MYLK3: variants seen among roughly 807,000 people sequenced by gnomAD.
MYLK3 encodes MLC kinase.
A neutral mutation model predicts 76.3 loss-of-function variants in MYLK3; 55 were observed. The ratio of observed to expected loss-of-function variants is 0.72; its 90% CI spans 0.58 to 0.90. The LOEUF is 0.90. Ranked by LOEUF, MYLK3 falls within the 40% of genes least tolerant of loss-of-function variation. MYLK3 has a pLI of 0.00. For synonymous variants in MYLK3, 416 were observed against 425.4 expected, an observed-to-expected ratio of 0.98 and a Z score of 0.27; for missense variants, 973 against 1,053.6, an observed-to-expected ratio of 0.92 and a Z score of 1.06.
At chr16:46,711,791 A>T (rs1383178868) in intron 10 of MYLK3, 1 of 284,764 alleles carries the variant, frequency 3.5e-6, no homozygotes, top group East Asian at 1.1e-4. Flanking sequence ...CACAAGGAAT[A>T]ACTGGTAAGA....
intron 1 of MYLK3, among the ~76,000 whole-genome samples, chr16:46,754,398 G>C (rs1967170674): frequency 6.6e-6 from 1 of 152,144 alleles, no homozygotes; most frequent in African/African-American, 2.4e-5. Flanking sequence ...GTATTGAGAG[G>C]TAAGGCCTTT....
upstream of MYLK3, among the ~76,000 whole-genome samples, chr16:46,750,260 C>T (rs202213753): frequency 3.7e-4 from 57 of 152,340 alleles, no homozygotes; most frequent in East Asian, 9.3e-3. Flanking sequence ...TGCCTCTCCC[C>T]AGCTGGTGCC....
At chr16:46,739,525 C>G (rs558499176) in intron 2 of MYLK3, among the ~76,000 whole-genome samples, 1 of 152,062 alleles carries the variant, frequency 6.6e-6, no homozygotes, top group African/African-American at 2.4e-5. Context: ...CCTCTGCCAC[C>G]AAGACAACAA....
At chr16:46,728,903 C>T (rs1408444692) in intron 7 of MYLK3, 121 bp downstream of exon 7, 7 of 710,600 alleles carry the variant, frequency 9.9e-6, no homozygotes, top group African/African-American at 1.8e-5. Context: ...CAGGATGACA[C>T]GACCCTGGAC....
At chr16:46,748,799 C>A (rs1477868778), upstream of MYLK3, among the ~76,000 whole-genome samples, 1 of 152,186 alleles carries the variant, frequency 6.6e-6, no homozygotes, top group Non-Finnish European at 1.5e-5. This position sits in a 1 kb window ranked among gnomAD's most constrained non-coding sequence, Gnocchi z 4.3. Flanking sequence ...TCAGGTGCCC[C>A]TACTACACCA....
rs1966627607 is a variant in MYLK3, at chr16:46,706,447, C to A, written c.*1257G>T. Reference sequence around the variant, plus strand: ...TAGCTGACATTACAGGCATCCGCCACCACGCCCCACTAATTTTTGTATTTT... The same window carrying A: ...TAGCTGACATTACAGGCATCCGCCAACACGCCCCACTAATTTTTGTATTTT... On this transcript the variant is annotated 3_prime_UTR_variant, in exon 13 of 13. Transcript: ENST00000394809. 6.6e-6 allele frequency: 1 copy of A among 152,078 alleles called. No homozygotes were observed. Among genetic ancestry groups the A allele is most frequent in the African/African-American group, 2.4e-5 (1 of 41,382 alleles). 9.4% of individuals were successfully genotyped at this position (152,078 alleles called of 1,614,324 possible).
intron 1 of MYLK3, among the ~76,000 whole-genome samples, chr16:46,742,447 A>ACACACACACACACACACAC (rs1555471290): frequency 1.1e-4 from 14 of 131,184 alleles, no homozygotes; most frequent in East Asian, 5.2e-4. Context: ...TCCCAGCAAA[A>ACACACACACACACACACAC]ACACACACAC....
At chr16:46,735,452 C>T (rs576224676) in intron 3 of MYLK3, among the ~76,000 whole-genome samples, 85 of 152,250 alleles carry the variant, frequency 5.6e-4, no homozygotes, top group African/African-American at 1.9e-3. Flanking sequence ...CTGATCCGCC[C>T]GCCTCGGCCT....
rs1467037214 is a variant in MYLK3, at chr16:46,747,893, G to T, written c.301C>A (p.Gln101Lys). 1 of 1,613,924 alleles carries T rather than the reference G, an allele frequency of 6.2e-7. No individual in the cohort carries two copies. Among genetic ancestry groups the T allele is most frequent in the South Asian group, 1.1e-5 (1 of 91,076 alleles). The part of the protein sequence containing the change: ...PEVLELVRAM[Q>K]QDAAQHGARL... ...GCACCGTGCTGGGCCGCATCCTGCT[G>T]CATGGCCCTCACCAGCTCCAGGACC... The change falls in exon 1 of 13, where the codon CAG becomes AAG. Residue 101 changes from glutamine to lysine, a missense_variant. Physicochemically the swap from Gln to Lys is moderately conservative, Grantham distance 53. This residue lies in a region of MYLK3 where 641 missense variants were observed against 637.0 expected (regional missense o/e 1.01). Coordinates refer to ENST00000394809, the MANE Select transcript of MYLK3 (RefSeq NM_182493.3).
In MYLK3 at chr16:46,747,999, G is replaced by T; in HGVS notation, c.195C>A (p.His65Gln). The change falls in exon 1 of 13, where the codon CAC becomes CAA. Residue 65 changes from histidine (H) to glutamine (Q), a missense_variant. Coordinates refer to ENST00000394809, the MANE Select transcript of MYLK3 (RefSeq NM_182493.3). Reference protein sequence around the residue: ...RDMGHLERGLHRLEASRAPGP... With the variant: ...RDMGHLERGLQRLEASRAPGP... ...CCGGTGCCCGGGAGGCCTCCAGCCT[G>T]TGCAGGCCCCGCTCCAGGTGGCCCA... 2 of 1,613,680 alleles carry T rather than the reference G, an allele frequency of 1.2e-6. No individual in the cohort carries two copies. Among genetic ancestry groups the T allele is most frequent in the South Asian group, 1.1e-5 (1 of 91,080 alleles).
rs1303275414 is a variant in MYLK3 at position 46,729,633 on chromosome 16, C to T, written c.1623G>A (p.Leu541=). The change falls in exon 6 of 13, where the codon CTG becomes CTA. Residue 541 remains leucine (L), a synonymous_variant. Transcript: ENST00000394809. ...RCTEKSTGLP[L]AAKIIKVKSA... ...TCTTCACTTTGATGATCTTGGCAGC[C>T]AGTGGGAGGCCTGTGGACTTCTCTG... 1.2e-6 allele frequency: 2 copies of T among 1,613,782 alleles called. No homozygotes were observed. The highest frequency in any genetic ancestry group is 1.7e-6 in the Non-Finnish European group (2 of 1,179,816).
chr16:46,747,438 C>T (rs1304343272), intron 1 of MYLK3, among the ~76,000 whole-genome samples: 1 of 152,224 alleles, frequency 6.6e-6, no homozygotes, highest in Non-Finnish European at 1.5e-5. Context: ...CCTCCCAAAC[C>T]GCCAGCGTGT....
rs994570645 is a variant in MYLK3 at position 46,753,747 on chromosome 16, CA to C, written c.-114+9292del. Among the ~76,000 whole-genome samples the C allele has an allele frequency of 2.3e-4, 35 of 149,520 alleles. No homozygotes were observed. The South Asian group carries it at 3.8e-3, about 16-fold the overall frequency. ...GCAATATAGGGAGACCCTGTCTCTA[CA>C]AAAAAAAAATTTTAATTAGCTGGGT... On this transcript the variant is annotated intron_variant, in intron 1 of 11. Transcript: ENST00000536476.
At chr16:46,752,910 G>A (rs995601495), upstream of MYLK3, among the ~76,000 whole-genome samples, 1 of 152,124 alleles carries the variant, frequency 6.6e-6, no homozygotes, top group African/African-American at 2.4e-5. Flanking sequence ...ATGATATCAA[G>A]GCTCTGACTC....
chr16:46,752,487 T>C (rs1967139114), upstream of MYLK3, among the ~76,000 whole-genome samples: 1 of 152,186 alleles, frequency 6.6e-6, no homozygotes. Flanking sequence ...ATGACACAAG[T>C]TTACTTATGT....
At chr16:46,726,578 G>A (rs1044602603) in intron 8 of MYLK3, 3 of 149,704 alleles carry the variant, frequency 2.0e-5, no homozygotes, top group African/African-American at 7.4e-5. Flanking sequence ...AAAAGAAAGA[G>A]AGGAGAGAGG....
chr16:46,721,234 A>C, intron 8 of MYLK3, 41 bp from the exon 9 acceptor site: 2 of 1,585,698 alleles, frequency 1.3e-6, no homozygotes, highest in Non-Finnish European at 1.7e-6. Context: ...GCAATAGCTG[A>C]GGAGGTCTGC....
chr16:46,729,449 G>A, intron 6 of MYLK3, 145 bp downstream of exon 6: 1 of 761,680 alleles, frequency 1.3e-6, no homozygotes, highest in Non-Finnish European at 2.2e-6. Context: ...GCTGTGAAGG[G>A]GACTGCCTGA....
chr16:46,759,175 G>T (rs1967244005), intron 1 of MYLK3, among the ~76,000 whole-genome samples: 1 of 152,230 alleles, frequency 6.6e-6, no homozygotes, highest in Non-Finnish European at 1.5e-5. Flanking sequence ...TGCCTTCTGT[G>T]TGCAGTCCTG....
Sources: gnomAD v4.1 joint callset for allele counts (sites outside exome capture counted in the v4.1 genomes callset) on GRCh38, gnomAD v4.1.1 for gene constraint, gnomAD v4.1.1 regional missense constraint, Gnocchi (gnomAD v3.1) non-coding constraint, MANE v1.5 for transcripts, NCBI Gene and HGNC (gene_info 2026-07-23, HGNC 2026-07-21) for gene names.